Variants in COLEC11 observed in about 807,000 individuals in gnomAD.
COLEC11 encodes collectin-11.
A neutral mutation model predicts 27.3 loss-of-function variants in COLEC11; 20 were observed. The observed-to-expected ratio is 0.73, with a 90% confidence interval of 0.51 to 1.06. The LOEUF is 1.06. COLEC11 is among the 50% of genes least tolerant of loss of function. The pLI is 0.00. For synonymous variants in COLEC11, 163 were observed against 154.7 expected, an observed-to-expected ratio of 1.05 and a Z score of -0.40; for missense variants, 310 against 383.0, an observed-to-expected ratio of 0.81 and a Z score of 1.59.
intron 1 of COLEC11, among the ~76,000 whole-genome samples, chr2:3,600,001 C>G (rs112263656): frequency 6.6e-6 from 1 of 152,026 alleles, no homozygotes; most frequent in Non-Finnish European, 1.5e-5. Flanking sequence ...TTTGGGAGGC[C>G]GAGGTGGGTG....
In COLEC11 at chr2:3,643,830, G is replaced by A. The variant is rs773407043; in HGVS notation, c.528G>A (p.Thr176=). Residue 176 remains threonine (T), a synonymous_variant, in exon 7 of 7, where the codon ACG becomes ACA. Coordinates refer to ENST00000349077, the MANE Select transcript of COLEC11 (RefSeq NM_024027.5). ...TGTCCTGCCAGGGCCGCGGGGGCACGCTGAGCATGCCCAAGGACGAGGCTG... is the reference window on the plus strand; with the variant it reads ...TGTCCTGCCAGGGCCGCGGGGGCACACTGAGCATGCCCAAGGACGAGGCTG... ...AQLSCQGRGG[T]LSMPKDEAAN... 3.1e-6 allele frequency: 5 copies of A among 1,613,494 alleles called. No individual in the cohort carries two copies. Among genetic ancestry groups the A allele is most frequent in the South Asian group, 2.2e-5 (2 of 91,074 alleles).
intron 1 of COLEC11, among the ~76,000 whole-genome samples, chr2:3,598,108 G>A (rs1190981960): frequency 1.3e-5 from 2 of 151,918 alleles, no homozygotes; most frequent in Admixed American, 1.3e-4. Flanking sequence ...GCTAATTTTT[G>A]TATTTTTAGT....
chr2:3,634,763 AG>A (rs1487734877), intron 3 of COLEC11, among the ~76,000 whole-genome samples: 1 of 152,062 alleles, frequency 6.6e-6, no homozygotes, highest in African/African-American at 2.4e-5. Context: ...AGAGGAGGGC[AG>A]GGCTGGCCCC....
At chr2:3,596,345 T>G (rs1274445173) in intron 1 of COLEC11, among the ~76,000 whole-genome samples, 1 of 150,908 alleles carries the variant, frequency 6.6e-6, no homozygotes, top group Admixed American at 6.6e-5. Context: ...TCATTTTTTT[T>G]TTTTTTTTTG....
At chr2:3,638,740 G>A (rs1030275591) in intron 4 of COLEC11, among the ~76,000 whole-genome samples, 4 of 152,242 alleles carry the variant, frequency 2.6e-5, no homozygotes, top group Admixed American at 2.6e-4. Flanking sequence ...GGCCAATGCA[G>A]TGAAGAGCAC....
chr2:3,633,414 C>A (rs1272754177), intron 3 of COLEC11, among the ~76,000 whole-genome samples: 1 of 152,240 alleles, frequency 6.6e-6, no homozygotes, highest in African/African-American at 2.4e-5. Flanking sequence ...GATGTTAAAG[C>A]AAATCCAAGG....
At chr2:3,632,505 T>A (rs913358683) in intron 3 of COLEC11, among the ~76,000 whole-genome samples, 2 of 152,196 alleles carry the variant, frequency 1.3e-5, no homozygotes, top group Non-Finnish European at 2.9e-5. Context: ...CTTTCCTCCA[T>A]GCATGCACAA....
rs2147974266 is a variant in COLEC11 at position 3,643,548 on chromosome 2, C to T, written c.424+9C>T. 2 of 1,611,824 alleles carry T rather than the reference C, an allele frequency of 1.2e-6. No individual in the cohort carries two copies. The highest frequency in any genetic ancestry group is 2.2e-5 in the South Asian group (2 of 91,042). On this transcript the variant is annotated intron_variant, in intron 6 of 6. Coordinates refer to ENST00000349077, the MANE Select transcript of COLEC11 (RefSeq NM_024027.5). ...CAAGTTCATCAAGAATGGTATGTGGCTCCCGGCGCCGCCCTCGCTCCCTCC... is the reference window on the plus strand; with the variant it reads ...CAAGTTCATCAAGAATGGTATGTGGTTCCCGGCGCCGCCCTCGCTCCCTCC...
intron 3 of COLEC11, among the ~76,000 whole-genome samples, chr2:3,616,797 GGGGAGA>G (rs1203525585): frequency 1.4e-5 from 2 of 145,048 alleles, no homozygotes; most frequent in South Asian, 2.1e-4. Flanking sequence ...GGGAGACCGT[GGGGAGA>G]GGGAGAGGGA....
At chr2:3,616,686 TG>T (rs1314100562) in intron 3 of COLEC11, among the ~76,000 whole-genome samples, 6 of 152,112 alleles carry the variant, frequency 3.9e-5, no homozygotes, top group Non-Finnish European at 8.8e-5. Flanking sequence ...GCAGGGAGGT[TG>T]CAGTGAGCCG....
chr2:3,631,911 G>A (rs1407167752), intron 3 of COLEC11, among the ~76,000 whole-genome samples: 2 of 152,184 alleles, frequency 1.3e-5, no homozygotes, highest in Non-Finnish European at 2.9e-5. Context: ...CAGGCTTCCC[G>A]CAGTTCCTGG....
At chr2:3,634,960 C>T (rs1218765580) in intron 3 of COLEC11, among the ~76,000 whole-genome samples, 1 of 151,988 alleles carries the variant, frequency 6.6e-6, no homozygotes, top group Non-Finnish European at 1.5e-5. Context: ...CCCCTGCCTG[C>T]CCCGCTGCCC....
Position 3,615,462 on chromosome 2 carries a change from T to A in COLEC11, c.202+2080T>A, listed in dbSNP as rs190105798. Among the ~76,000 whole-genome samples, 143 of 152,288 alleles carry A rather than the reference T, an allele frequency of 9.4e-4. 1 individual carries two copies. The highest frequency in any genetic ancestry group is 3.3e-3 in the African/African-American group (137 of 41,550). ...AGAGAGCAGGGGGTTGGGGGTAAGG[T>A]CAAAGATTAACAGCATCCCAAGGCA... is the stretch of plus-strand genomic sequence containing the variant. On this transcript the variant is annotated intron_variant, in intron 3 of 6. Transcript: ENST00000349077.
chr2:3,631,156 G>T lies in COLEC11; in HGVS notation c.203-6377G>T, dbSNP rs933464911. Among the ~76,000 whole-genome samples, 3 of 151,958 alleles carry T rather than the reference G, an allele frequency of 2.0e-5. 1 individual carries two copies. Among genetic ancestry groups the T allele is most frequent in the Non-Finnish European group, 4.4e-5 (3 of 68,010 alleles). ...TGAGGCAGGAGAATCACTTGAACCT[G>T]GGAGGCAGAGGTTGCAGTGAGCCAA... On this transcript the variant is annotated intron_variant, in intron 3 of 6. Coordinates refer to ENST00000349077, the MANE Select transcript of COLEC11 (RefSeq NM_024027.5).
intron 3 of COLEC11, among the ~76,000 whole-genome samples, chr2:3,622,995 T>C (rs1347698549): frequency 6.6e-6 from 1 of 152,236 alleles, no homozygotes; most frequent in Non-Finnish European, 1.5e-5. Flanking sequence ...TGGGAACTTC[T>C]TTAGCTTTTG....
intron 1 of COLEC11, among the ~76,000 whole-genome samples, chr2:3,596,974 C>T (rs560537724): frequency 6.7e-4 from 102 of 152,358 alleles, no homozygotes; most frequent in Admixed American, 1.6e-3. Flanking sequence ...CCTGTGCCTC[C>T]TTTGTGCCCA....
intron 2 of COLEC11, among the ~76,000 whole-genome samples, chr2:3,607,622 T>TA (rs1372902226): frequency 1.3e-5 from 2 of 152,062 alleles, no homozygotes; most frequent in Non-Finnish European, 2.9e-5. Context: ...CTAATTTTTG[T>TA]ATTTTTAGTA....
At chr2:3,612,617 G>C (rs1663305461) in intron 2 of COLEC11, among the ~76,000 whole-genome samples, 1 of 152,122 alleles carries the variant, frequency 6.6e-6, no homozygotes, top group African/African-American at 2.4e-5. Flanking sequence ...GTGTGGATTA[G>C]AGTGGGGGGA....
intron 3 of COLEC11, among the ~76,000 whole-genome samples, chr2:3,613,829 G>A (rs1344824997): frequency 6.6e-6 from 1 of 152,202 alleles, no homozygotes; most frequent in East Asian, 1.9e-4. Context: ...GCTCATGGGA[G>A]CTAGATCATA....
Sources: allele counts gnomAD v4.1 joint callset (sites outside exome capture counted in the v4.1 genomes callset), GRCh38; gene constraint gnomAD v4.1.1; transcripts MANE v1.5; gene names NCBI Gene and HGNC (gene_info 2026-07-23, HGNC 2026-07-21).